The following LRP1B variants were observed in gnomAD, a reference collection of about 807,000 sequenced individuals.
The protein encoded by LRP1B is low-density lipoprotein receptor-related protein 1B.
A neutral mutation model predicts 556.6 loss-of-function variants in LRP1B; 217 were observed. The observed-to-expected ratio is 0.39, with a 90% confidence interval of 0.35 to 0.44. LRP1B has a LOEUF of 0.44. Ranked by LOEUF, LRP1B falls within the 20% of genes least tolerant of loss-of-function variation. The pLI is 1.00. For synonymous variants in LRP1B, 2,047 were observed against 1,865.8 expected (o/e 1.10, Z -2.50); for missense variants, 5,053 against 5,620.8 (o/e 0.90, Z 3.23).
chr2:140,605,368 C>T (rs1349508971), intron 41 of LRP1B, among the ~76,000 whole-genome samples: 2 of 152,102 alleles, frequency 1.3e-5, no homozygotes, highest in African/African-American at 4.8e-5. Context: ...GGATACAGGT[C>T]CAATTCACTA....
At chr2:140,937,522 G>A (rs1209544481) in intron 20 of LRP1B, among the ~76,000 whole-genome samples, 1 of 152,050 alleles carries the variant, frequency 6.6e-6, no homozygotes, top group Non-Finnish European at 1.5e-5. Context: ...AGGTATGAAG[G>A]AGTGTTGATG....
intron 1 of LRP1B, among the ~76,000 whole-genome samples, chr2:142,113,905 T>A (rs1707094269): frequency 6.6e-6 from 1 of 152,112 alleles, no homozygotes; most frequent in Admixed American, 6.6e-5. Flanking sequence ...CTGTGATCAC[T>A]GGAAACATCA....
chr2:140,342,606 T>G (rs1375964604), intron 77 of LRP1B, among the ~76,000 whole-genome samples: 1 of 151,564 alleles, frequency 6.6e-6, no homozygotes, highest in African/African-American at 2.4e-5. Context: ...ATTTTTAAAA[T>G]ATGTTAATGG....
intron 25 of LRP1B, 68 bp from the exon 26 acceptor site, chr2:140,868,331 A>G (rs2105157263): frequency 7.1e-7 from 1 of 1,401,918 alleles, no homozygotes; most frequent in Non-Finnish European, 9.5e-7. Context: ...ATATTTATTG[A>G]GTGCCTACCA....
chr2:140,519,994 G>C (rs1690088686), intron 49 of LRP1B, among the ~76,000 whole-genome samples: 1 of 152,152 alleles, frequency 6.6e-6, no homozygotes, highest in Non-Finnish European at 1.5e-5. Flanking sequence ...GGAGAAATAG[G>C]AATGCTTTTA....
chr2:141,649,202 G>A (rs1429053137), intron 2 of LRP1B, among the ~76,000 whole-genome samples: 1 of 152,054 alleles, frequency 6.6e-6, no homozygotes, highest in Non-Finnish European at 1.5e-5. Context: ...TTATCTTTTG[G>A]ACACATGGGA....
At chr2:141,639,304 G>A (rs606281) in intron 2 of LRP1B, among the ~76,000 whole-genome samples, 263 of 58,348 alleles carry the variant, frequency 4.5e-3, no homozygotes, top group East Asian at 6.6e-3. Context: ...CATCATGTGT[G>A]TATATATATA....
intron 2 of LRP1B, among the ~76,000 whole-genome samples, chr2:141,674,840 A>G (rs1479215562): frequency 6.6e-6 from 1 of 152,034 alleles, no homozygotes; most frequent in African/African-American, 2.4e-5. Context: ...ATCAAAGGAC[A>G]TGTACATTAG....
chr2:140,950,656 T>C (rs2105300826), intron 19 of LRP1B, among the ~76,000 whole-genome samples: 1 of 152,074 alleles, frequency 6.6e-6, no homozygotes, highest in African/African-American at 2.4e-5. Context: ...AGCTAATTTG[T>C]TTTGTATTTC....
At chr2:141,493,662 T>G (rs1181732754) in intron 2 of LRP1B, among the ~76,000 whole-genome samples, 1 of 152,142 alleles carries the variant, frequency 6.6e-6, no homozygotes. Context: ...TCTGCCCACC[T>G]GTGTCTGAGC....
At chr2:140,809,892 AAG>A (rs1464142408) in intron 32 of LRP1B, among the ~76,000 whole-genome samples, 1 of 152,154 alleles carries the variant, frequency 6.6e-6, no homozygotes, top group Non-Finnish European at 1.5e-5. Context: ...ACAGTGATCC[AAG>A]AGAGGGCAAA....
At chr2:140,511,124 A>C (rs1689633320) in intron 51 of LRP1B, among the ~76,000 whole-genome samples, 2 of 152,082 alleles carry the variant, frequency 1.3e-5, no homozygotes, top group Admixed American at 1.3e-4. Context: ...TGACTAGATG[A>C]AAAATATTTG....
intron 49 of LRP1B, among the ~76,000 whole-genome samples, chr2:140,520,270 C>G (rs1259506180): frequency 6.6e-6 from 1 of 152,104 alleles, no homozygotes; most frequent in East Asian, 1.9e-4. Flanking sequence ...GAATACTATG[C>G]AACCATAGAA....
chr2:141,782,798 TC>T lies in LRP1B; in HGVS notation c.205+27480del, dbSNP rs577268977. 4.2e-3 allele frequency among the ~76,000 whole-genome samples: 633 copies of T among 152,150 alleles called. 4 individuals are homozygous for T. Among genetic ancestry groups the T allele is most frequent in the African/African-American group, 0.015 (609 of 41,538 alleles). On this transcript the variant is annotated intron_variant, in intron 2 of 90. Coordinates refer to ENST00000389484, the MANE Select transcript of LRP1B (RefSeq NM_018557.3). The stretch of plus-strand genomic sequence containing the variant: ...GTCAGCTTTTCACAGAAGCTTTTTT[TC>T]CCCCACATTTCAATTCAGATCAATA...
At chr2:141,976,291 GA>G (rs990328747) in intron 1 of LRP1B, among the ~76,000 whole-genome samples, 3 of 151,758 alleles carry the variant, frequency 2.0e-5, no homozygotes, top group African/African-American at 7.3e-5. Context: ...GCAGGTGTCA[GA>G]AAAAAAATTA....
intron 1 of LRP1B, among the ~76,000 whole-genome samples, chr2:142,108,365 G>A (rs1349219): frequency 6.6e-6 from 1 of 151,896 alleles, no homozygotes; most frequent in East Asian, 1.9e-4. Context: ...AAAATCTATA[G>A]GATCAGTCTT....
At chr2:141,931,060 T>G (rs1700488908) in intron 1 of LRP1B, among the ~76,000 whole-genome samples, 1 of 152,072 alleles carries the variant, frequency 6.6e-6, no homozygotes, top group South Asian at 2.1e-4. Flanking sequence ...TCTGCACACC[T>G]CTGTGTTATT....
At position 140,502,000 on chromosome 2, in the gene LRP1B, T is replaced by G. The variant is rs370252639; in HGVS notation, c.8663-126A>C. On this transcript the variant is annotated intron_variant, in intron 54 of 90. Coordinates refer to ENST00000389484, the MANE Select transcript of LRP1B (RefSeq NM_018557.3). ...AATCATAATATAAGTTTATATAAAA[T>G]CTTTTACATATTCAGTATAATATCT... is the stretch of plus-strand genomic sequence containing the variant. The G allele has an allele frequency of 1.5e-4, 99 of 658,812 alleles. No homozygotes were observed. In the East Asian group the frequency reaches 2.1e-3, roughly 14 times the overall value. The allele number at this position is 658,812 out of a possible 1,614,324, so 40.8% of individuals were successfully genotyped here.
intron 75 of LRP1B, among the ~76,000 whole-genome samples, chr2:140,355,509 T>A (rs1350715758): frequency 6.6e-6 from 1 of 151,970 alleles, no homozygotes; most frequent in Non-Finnish European, 1.5e-5. Flanking sequence ...TAGAATCAAT[T>A]CATTTAAATA....
Sources: gnomAD v4.1 joint callset for allele counts (sites outside exome capture counted in the v4.1 genomes callset) on GRCh38, gnomAD v4.1.1 for gene constraint, MANE v1.5 for transcripts, NCBI Gene and HGNC (gene_info 2026-07-23, HGNC 2026-07-21) for gene names.